Variants in AGAP4 observed in about 807,000 individuals in gnomAD.
AGAP4 encodes ArfGAP with GTPase domain, ankyrin repeat and PH domain 4, also known as arf-GAP with GTPase, ANK repeat and PH domain-containing protein 4.
A neutral mutation model predicts 60.7 loss-of-function variants in AGAP4; 13 were observed. The ratio of observed to expected loss-of-function variants is 0.21; its 90% CI spans 0.14 to 0.34. The LOEUF (loss-of-function observed/expected upper bound fraction) is 0.34. Ranked by LOEUF, AGAP4 falls within the 10% of genes least tolerant of loss-of-function variation. The probability of loss-of-function intolerance (pLI) is 1.00; values close to 1 mark genes in which losing one functional copy is unlikely to be tolerated. For missense variants in AGAP4, 169 were observed against 884.0 expected (o/e 0.19, Z 10.26); for synonymous variants, 70 against 339.0 (o/e 0.21, Z 8.72).
intron 6 of AGAP4, among the ~76,000 whole-genome samples, chr10:45,828,555 T>C (rs1239148139): frequency 2.0e-5 from 3 of 148,196 alleles, no homozygotes; most frequent in Non-Finnish European, 4.5e-5. Context: ...CGCCAGTCTT[T>C]GATGAACTTT....
Position 45,826,369 on chromosome 10 carries a change from C to T in AGAP4, c.1607G>A (p.Gly536Asp). ...CCAGATGCTGTTGGCTAGGTCATTG[C>T]CAATAGATGACATAACCTTCCTGAG... ...VELRKVMSSI[G>D]NDLANSIWEG... The change falls in exon 8 of 8, where the codon GGC (glycine) becomes GAC (aspartate). Residue 536 changes from glycine to aspartate, a missense_variant. Transcript: ENST00000616763. The T allele has an allele frequency of 6.2e-7, 1 of 1,605,300 alleles. No individual in the cohort carries two copies. Among genetic ancestry groups the T allele is most frequent in the Admixed American group, 1.7e-5 (1 of 59,610 alleles).
upstream of AGAP4, among the ~76,000 whole-genome samples, chr10:45,851,393 G>C (rs2059082236): frequency 1.3e-5 from 2 of 151,960 alleles, no homozygotes; most frequent in African/African-American, 4.8e-5. Context: ...CTGTTCAATA[G>C]GTACTCAACA....
chr10:45,848,782 C>T (rs1554899958), upstream of AGAP4: 1 of 151,972 alleles, frequency 6.6e-6, no homozygotes, highest in African/African-American at 2.4e-5. Flanking sequence ...TTTCACATGG[C>T]TGGGGAGGCC....
intron 1 of AGAP4, chr10:45,853,625 A>C: frequency 7.8e-7 from 1 of 1,285,674 alleles, no homozygotes; most frequent in Non-Finnish European, 1.0e-6. Flanking sequence ...GAGTAAAAAA[A>C]CACAGCCATG....
intron 1 of AGAP4, chr10:45,853,548 A>C (rs1419036770): frequency 4.2e-6 from 5 of 1,204,306 alleles, no homozygotes; most frequent in Admixed American, 6.1e-5. Context: ...CAGATTTACC[A>C]TTTATCAAGA....
intron 2 of AGAP4, among the ~76,000 whole-genome samples, chr10:45,846,117 G>A (rs1226339120): frequency 6.8e-6 from 1 of 147,990 alleles, no homozygotes; most frequent in Non-Finnish European, 1.5e-5. Flanking sequence ...TTAGAACAAG[G>A]AGGTAAATAA....
upstream of AGAP4, among the ~76,000 whole-genome samples, chr10:45,850,994 C>A (rs1453534097): frequency 6.6e-6 from 1 of 151,852 alleles, no homozygotes; most frequent in Non-Finnish European, 1.5e-5. Flanking sequence ...AATTTACATG[C>A]TAAAAAATCA....
chr10:45,831,517 C>T, intron 5 of AGAP4, 88 bp from the exon 6 acceptor site: 3 of 1,136,640 alleles, frequency 2.6e-6, no homozygotes, highest in South Asian at 2.6e-5. Flanking sequence ...AGGAAACTCT[C>T]CTAGTGGCCC....
rs1396163971 is a variant in AGAP4 at position 45,827,319 on chromosome 10, T to C, written c.657A>G (p.Pro219=). The change falls in exon 8 of 8, where the codon CCA becomes CCG. Residue 219 remains proline, a synonymous_variant. Transcript: ENST00000616763. ...GSLNNYSSSI[P]STPSTSQEDP... Reference sequence around the variant, plus strand: ...CCTCCTGGCTGGTGCTGGGAGTCGATGGAATGGAGGAGGAATAGTTATTTA... The same window carrying C: ...CCTCCTGGCTGGTGCTGGGAGTCGACGGAATGGAGGAGGAATAGTTATTTA... 242 of 1,592,192 alleles carry C rather than the reference T, an allele frequency of 1.5e-4. 18 individuals are homozygous for C. In the African/African-American group the frequency reaches 2.6e-3, roughly 17 times the overall value.
In AGAP4 at chr10:45,827,190, TG is replaced by T. The variant is rs1204098866; in HGVS notation, c.785del (p.Pro262GlnfsTer29). ...TCTCCGGGGCTTTCCTCTCTTTGTC[TG>T]GGTCACTCCCTTTCTCAGATGTAAA... ...NLFTSEKGSDPDKERKAPENH... is the reference protein window; with the variant it reads ...NLFTSEKGSDXDKERKAPENH... On this transcript the variant is annotated frameshift_variant, in exon 8 of 8. Coordinates refer to ENST00000616763, the MANE Select transcript of AGAP4 (RefSeq NM_001276343.3). LOFTEE classifies it high-confidence loss of function. 1 of 970,424 alleles carries T rather than the reference TG, an allele frequency of 1.0e-6. No homozygotes were observed. Among genetic ancestry groups the T allele is most frequent in the African/African-American group, 2.4e-5 (1 of 41,986 alleles). 60.1% of individuals were successfully genotyped at this position (970,424 alleles called of 1,614,324 possible).
chr10:45,849,515 T>C (rs1405487864), upstream of AGAP4, among the ~76,000 whole-genome samples: 4 of 150,372 alleles, frequency 2.7e-5, no homozygotes, highest in African/African-American at 9.8e-5. Flanking sequence ...GATGAAGTTT[T>C]GCTCTTGTTG....
intron 4 of AGAP4, among the ~76,000 whole-genome samples, chr10:45,838,702 G>T (rs2058866184): frequency 6.6e-6 from 1 of 151,342 alleles, no homozygotes; most frequent in Non-Finnish European, 1.5e-5. Flanking sequence ...TCCTGAGTAG[G>T]TAATACGAAA....
upstream of AGAP4, among the ~76,000 whole-genome samples, chr10:45,850,149 G>A (rs1480832471): frequency 6.6e-6 from 1 of 151,596 alleles, no homozygotes; most frequent in Non-Finnish European, 1.5e-5. Flanking sequence ...GGTTGATCTC[G>A]AACTCCTGAC....
chr10:45,831,861 T>A (rs1289495264), intron 5 of AGAP4, among the ~76,000 whole-genome samples: 1 of 144,518 alleles, frequency 6.9e-6, no homozygotes, highest in Non-Finnish European at 1.5e-5. Context: ...TGCCTCAGCC[T>A]CCCAAGAAGC....
intron 6 of AGAP4, among the ~76,000 whole-genome samples, chr10:45,830,219 C>G (rs1179987238): frequency 2.7e-5 from 4 of 147,790 alleles, no homozygotes; most frequent in Non-Finnish European, 6.0e-5. Context: ...GTCACCCAGG[C>G]TGGGGTGCAA....
chr10:45,849,687 C>G (rs1460546812), upstream of AGAP4, among the ~76,000 whole-genome samples: 5 of 150,892 alleles, frequency 3.3e-5, no homozygotes, highest in Admixed American at 2.6e-4. Flanking sequence ...GTTGCCCAGG[C>G]AGGAGTGCAA....
At chr10:45,827,744 C>T (rs1409348182) in intron 7 of AGAP4, among the ~76,000 whole-genome samples, 28 of 42,902 alleles carry the variant, frequency 6.5e-4, no homozygotes, top group African/African-American at 2.0e-3. Context: ...CAAGATCGCG[C>T]GATTGCACTC....
At chr10:45,846,658 A>G (rs1402711368) in intron 2 of AGAP4, 29 bp downstream of exon 2, 1 of 739,356 alleles carries the variant, frequency 1.4e-6, no homozygotes, top group Non-Finnish European at 2.1e-6. Context: ...ACAGGATAAT[A>G]AACAGAGCTA....
At chr10:45,830,780 C>G (rs1554897029) in intron 6 of AGAP4, among the ~76,000 whole-genome samples, 1 of 127,396 alleles carries the variant, frequency 7.8e-6, no homozygotes, top group Non-Finnish European at 1.7e-5. Flanking sequence ...CCACCGTGCC[C>G]AACCTCTTAT....
Sources: gnomAD v4.1 joint callset for allele counts (sites outside exome capture counted in the v4.1 genomes callset) on GRCh38, gnomAD v4.1.1 for gene constraint, MANE v1.5 for transcripts, NCBI Gene and HGNC (gene_info 2026-07-23, HGNC 2026-07-21) for gene names.